POLH: variants seen among roughly 807,000 people sequenced by gnomAD.
POLH encodes DNA polymerase eta.
POLH carries 53 observed loss-of-function variants against 73.6 expected under a neutral mutation model. The ratio of observed to expected loss-of-function variants is 0.72; its 90% confidence interval spans 0.58 to 0.91. POLH has a LOEUF of 0.91. Among genes scored for constraint, POLH ranks in the 40% least tolerant of loss-of-function variants. The probability of loss-of-function intolerance (pLI) is 0.00; values close to 1 mark genes in which losing one functional copy is unlikely to be tolerated. For missense variants in POLH, 768 were observed against 865.4 expected, an observed-to-expected ratio of 0.89 and a Z score of 1.41; for synonymous variants, 292 against 308.5, an observed-to-expected ratio of 0.95 and a Z score of 0.56.
chr6:43,582,913 C>A, intron 2 of POLH, 94 bp from the exon 3 acceptor site: 1 of 1,119,090 alleles, frequency 8.9e-7, no homozygotes, highest in Non-Finnish European at 1.3e-6. Context: ...CAAAAAGTTT[C>A]TAATATGTTT....
chr6:43,607,991 C>T (rs1277046709), intron 9 of POLH, among the ~76,000 whole-genome samples: 1 of 152,026 alleles, frequency 6.6e-6, no homozygotes, highest in African/African-American at 2.4e-5. Context: ...ATTAGCTGGG[C>T]GTGGTGGCGG....
chr6:43,581,105 C>T (rs1261755439), intron 1 of POLH, among the ~76,000 whole-genome samples: 15 of 140,700 alleles, frequency 1.1e-4, no homozygotes, highest in Non-Finnish European at 1.6e-4. Context: ...GACGGGGCAG[C>T]TGCCGGGCGG....
At chr6:43,609,532 T>C (rs1359462617) in intron 9 of POLH, among the ~76,000 whole-genome samples, 1 of 152,230 alleles carries the variant, frequency 6.6e-6, no homozygotes, top group Admixed American at 6.5e-5. Flanking sequence ...GACCATTATG[T>C]CTCAGTTTGC....
intron 4 of POLH, among the ~76,000 whole-genome samples, chr6:43,588,986 C>T (rs1358750976): frequency 3.3e-5 from 5 of 152,018 alleles, no homozygotes; most frequent in Admixed American, 2.0e-4. Context: ...TACGGGCGCC[C>T]GCCACCGCGC....
chr6:43,590,368 A>C (rs953895524), intron 4 of POLH, among the ~76,000 whole-genome samples: 1 of 151,792 alleles, frequency 6.6e-6, no homozygotes, highest in Non-Finnish European at 1.5e-5. Context: ...AAAAAAAAAA[A>C]AACAAAAAAC....
At chr6:43,601,200 A>G in intron 6 of POLH, 109 bp downstream of exon 6, 1 of 780,808 alleles carries the variant, frequency 1.3e-6, no homozygotes, top group Non-Finnish European at 2.3e-6. Flanking sequence ...GGAAATACAT[A>G]CCAGGCAGTT....
At chr6:43,595,164 T>C (rs1765898612) in intron 4 of POLH, among the ~76,000 whole-genome samples, 1 of 150,044 alleles carries the variant, frequency 6.7e-6, no homozygotes, top group Middle Eastern at 3.4e-3. Flanking sequence ...TTTTTTTTTT[T>C]AGTTTTTTTT....
At chr6:43,578,511 C>A in intron 1 of POLH, 3 of 342,768 alleles carry the variant, frequency 8.8e-6, no homozygotes, top group South Asian at 4.6e-5. Context: ...GGGACAAGAG[C>A]GAGACTTTGT....
In POLH at chr6:43,617,775, A is replaced by G. The variant is rs1337293889; in HGVS notation, c.*3218A>G. 6.6e-6 allele frequency among the ~76,000 whole-genome samples: 1 copy of G among 151,662 alleles called. No individual in the cohort carries two copies. The highest frequency in any genetic ancestry group is 1.5e-5 in the Non-Finnish European group (1 of 67,916). On this transcript the variant is annotated 3_prime_UTR_variant, in exon 11 of 11. Coordinates refer to ENST00000372236, the MANE Select transcript of POLH (RefSeq NM_006502.3). ...AAACCCCGTCTCTACTGAAAATACA[A>G]CTGGGCGTGGTGGTGCACGCCTGTA...
chr6:43,613,514 C>T, intron 10 of POLH, 146 bp from the exon 11 acceptor site: 1 of 693,608 alleles, frequency 1.4e-6, no homozygotes, highest in Non-Finnish European at 2.4e-6. Context: ...AGAATAATTT[C>T]TGTGGCAGAA....
rs370730946 is a variant in POLH at position 43,615,578 on chromosome 6, A to G, written c.*1021A>G. ...TCAAACAAAAACAAGAACAAAAACA[A>G]ACATAAAGTTGGCACAGAAAAGGGA... On this transcript the variant is annotated 3_prime_UTR_variant, in exon 11 of 11. Coordinates refer to ENST00000372236, the MANE Select transcript of POLH (RefSeq NM_006502.3). The G allele has an allele frequency of 1.3e-5, 2 of 152,096 alleles. No individual in the cohort carries two copies. The highest frequency in any genetic ancestry group is 2.4e-5 in the African/African-American group (1 of 41,438). The allele number at this position is 152,096 out of a possible 1,614,324, so 9.4% of individuals were successfully genotyped here.
In POLH at chr6:43,601,822, G is replaced by GC. The variant is rs575379549; in HGVS notation, c.764+732dup. 1.6e-3 allele frequency among the ~76,000 whole-genome samples: 242 copies of GC among 152,028 alleles called. 6 individuals are homozygous for GC. Among genetic ancestry groups the GC allele is most frequent in the African/African-American group, 5.4e-3 (224 of 41,538 alleles). On this transcript the variant is annotated intron_variant, in intron 6 of 10. Coordinates refer to ENST00000372236, the MANE Select transcript of POLH (RefSeq NM_006502.3). ...GCCTGTAATCCCAGCACTTTGGGAG[G>GC]CGAGGCAGGTGGATCACCTGAAGTC... is the stretch of plus-strand genomic sequence containing the variant.
At chr6:43,607,441 A>G (rs1039690707) in intron 9 of POLH, among the ~76,000 whole-genome samples, 6 of 152,200 alleles carry the variant, frequency 3.9e-5, no homozygotes, top group African/African-American at 1.4e-4. Context: ...GTATTAATAT[A>G]TACCATATTT....
At chr6:43,587,985 A>C (rs1291855727) in intron 4 of POLH, among the ~76,000 whole-genome samples, 1 of 149,666 alleles carries the variant, frequency 6.7e-6, no homozygotes, top group African/African-American at 2.5e-5. Context: ...GTGAGCCGAG[A>C]TCTCGCCACT....
Position 43,605,296 on chromosome 6 carries a change from A to G in POLH, c.1051A>G (p.Arg351Gly). 1 of 1,594,916 alleles carries G rather than the reference A, an allele frequency of 6.3e-7. No individual in the cohort carries two copies. The highest frequency in any genetic ancestry group is 8.6e-7 in the Non-Finnish European group (1 of 1,162,868). The change falls in exon 9 of 11, where the codon AGA becomes GGA. Residue 351 changes from arginine (R) to glycine (G), a missense_variant. By Grantham distance (125) the Arg-to-Gly change is moderately radical (BLOSUM62 -2). Transcript: ENST00000372236. ...GCAATTAGCCCAGGAACTAGAGGAG[A>G]GACTGACTAAAGACCGAAATGATGT... ...LLQLAQELEE[R>G]LTKDRNDNDR...
rs759840056 is a variant in POLH, at chr6:43,613,898, G to A, written c.1483G>A (p.Glu495Lys). Residue 495 changes from glutamate to lysine, a missense_variant, in exon 11 of 11, where the codon GAA becomes AAA. Coordinates refer to ENST00000372236, the MANE Select transcript of POLH (RefSeq NM_006502.3). ...AGCTGCAGAAAGGCAGAAAGTTAAAGAAGCTTCGCTTTCATCTCTTACTGC... is the reference window on the plus strand; with the variant it reads ...AGCTGCAGAAAGGCAGAAAGTTAAAAAAGCTTCGCTTTCATCTCTTACTGC... ...QKAAERQKVK[E>K]ASLSSLTAPT... is the part of the protein sequence containing the mutation. 61 of 1,613,820 alleles carry A rather than the reference G, an allele frequency of 3.8e-5. No individual in the cohort carries two copies. Among genetic ancestry groups the A allele is most frequent in the Non-Finnish European group, 4.2e-5 (50 of 1,180,048 alleles).
At position 43,576,228 on chromosome 6, in the gene POLH, C is replaced by G. The variant is rs892244065; in HGVS notation, c.-217C>G. Reference sequence around the variant, plus strand: ...CTGGGCGCGCCGCTCTCGTCTGATCCCTGCTGGGGACGGTTGCCCGGGCAG... The same window carrying G: ...CTGGGCGCGCCGCTCTCGTCTGATCGCTGCTGGGGACGGTTGCCCGGGCAG... On this transcript the variant is annotated 5_prime_UTR_variant, in exon 1 of 11. Coordinates refer to ENST00000372236, the MANE Select transcript of POLH (RefSeq NM_006502.3). The G allele has an allele frequency of 5.3e-6, 1 of 189,014 alleles. No individual in the cohort carries two copies. The highest frequency in any genetic ancestry group is 1.1e-5 in the Non-Finnish European group (1 of 92,718). The allele number at this position is 189,014 out of a possible 1,614,324, so 11.7% of individuals were successfully genotyped here.
intron 1 of POLH, among the ~76,000 whole-genome samples, chr6:43,581,769 C>T (rs537291114): frequency 8.2e-4 from 123 of 150,104 alleles, no homozygotes; most frequent in African/African-American, 2.8e-3. Context: ...GTCCCGGCTC[C>T]GCACTGCCCC....
At chr6:43,583,165 G>A in intron 3 of POLH, 24 bp downstream of exon 3, 1 of 1,610,184 alleles carries the variant, frequency 6.2e-7, no homozygotes, top group Non-Finnish European at 8.5e-7. Flanking sequence ...ATTATTTAAG[G>A]AGACATAAAG....
Sources: gnomAD v4.1 joint callset for allele counts (sites outside exome capture counted in the v4.1 genomes callset) on GRCh38, gnomAD v4.1.1 for gene constraint, MANE v1.5 for transcripts, NCBI Gene and HGNC (gene_info 2026-07-23, HGNC 2026-07-21) for gene names.